Variants in TMEM178B observed in about 807,000 individuals in gnomAD.
TMEM178B encodes transmembrane protein 178B.
TMEM178B carries 5 observed loss-of-function variants against 31.0 expected under a neutral mutation model. That is an observed-to-expected ratio of 0.16 (90% CI 0.08 to 0.34). TMEM178B has a LOEUF of 0.34. Ranked by LOEUF, TMEM178B falls within the 10% of genes least tolerant of loss-of-function variation. TMEM178B has a pLI of 1.00. For synonymous variants in TMEM178B, 164 were observed against 164.0 expected, an observed-to-expected ratio of 1.00 and a Z score of 0.00; for missense variants, 275 against 400.3, an observed-to-expected ratio of 0.69 and a Z score of 2.67.
intron 2 of TMEM178B, among the ~76,000 whole-genome samples, chr7:141,397,447 A>G (rs977117917): frequency 4.6e-5 from 7 of 152,176 alleles, no homozygotes; most frequent in African/African-American, 1.7e-4. Context: ...CCTTACCCAG[A>G]GCCACCAGCC....
chr7:141,292,723 C>T (rs558887802), intron 2 of TMEM178B, among the ~76,000 whole-genome samples: 20 of 149,846 alleles, frequency 1.3e-4, no homozygotes, highest in African/African-American at 3.7e-4. Flanking sequence ...CTGCAACCTC[C>T]GCCTCCCGGG....
At chr7:141,187,777 T>G (rs1323397698) in intron 1 of TMEM178B, among the ~76,000 whole-genome samples, 1 of 152,232 alleles carries the variant, frequency 6.6e-6, no homozygotes, top group Non-Finnish European at 1.5e-5. Context: ...TCGCCCACTT[T>G]TTGATGGGGT....
downstream of TMEM178B, among the ~76,000 whole-genome samples, chr7:141,480,574 T>TG (rs1268609592): frequency 6.6e-6 from 1 of 152,272 alleles, no homozygotes. Context: ...CAAAGGTACA[T>TG]GCTTCGCATG....
chr7:141,208,825 CT>C (rs1436441926), intron 1 of TMEM178B, among the ~76,000 whole-genome samples: 16 of 152,240 alleles, frequency 1.1e-4, no homozygotes, highest in Admixed American at 2.6e-4. Flanking sequence ...AGAATCTGAC[CT>C]GAGCTAAGAA....
intron 2 of TMEM178B, among the ~76,000 whole-genome samples, chr7:141,325,457 C>T (rs1799172973): frequency 1.3e-5 from 2 of 152,170 alleles, no homozygotes; most frequent in African/African-American, 4.8e-5. Context: ...TACTCATTCT[C>T]CCACTGTCCC....
chr7:141,157,540 C>A (rs768048330), intron 1 of TMEM178B, among the ~76,000 whole-genome samples: 1 of 151,696 alleles, frequency 6.6e-6, no homozygotes, highest in Non-Finnish European at 1.5e-5. Context: ...AACAACAACA[C>A]GGAGAGAGGA....
chr7:141,127,309 T>A (rs1480733270), intron 1 of TMEM178B, among the ~76,000 whole-genome samples: 3 of 152,224 alleles, frequency 2.0e-5, no homozygotes, highest in Admixed American at 2.0e-4. Flanking sequence ...GTGGGCTGAA[T>A]GTCTAAAAAG....
intron 1 of TMEM178B, among the ~76,000 whole-genome samples, chr7:141,170,866 G>A (rs118098634): frequency 1.7e-3 from 260 of 152,240 alleles, no homozygotes; most frequent in East Asian, 6.8e-3. Flanking sequence ...CACAAGTCCT[G>A]TGCCTGACCC....
intron 1 of TMEM178B, among the ~76,000 whole-genome samples, chr7:141,137,850 A>C (rs1286033980): frequency 6.6e-6 from 1 of 152,172 alleles, no homozygotes; most frequent in Non-Finnish European, 1.5e-5. Context: ...AAATAGAGAA[A>C]ATACACTGAA....
At chr7:141,113,525 T>TCAGACAGAATGAC (rs1258780377) in intron 1 of TMEM178B, among the ~76,000 whole-genome samples, 2 of 152,220 alleles carry the variant, frequency 1.3e-5, no homozygotes, top group African/African-American at 4.8e-5. Context: ...GAGGATCCTT[T>TCAGACAGAATGAC]CAGACAGAAT....
chr7:141,305,260 A>G (rs192631915), intron 2 of TMEM178B, among the ~76,000 whole-genome samples: 1 of 152,328 alleles, frequency 6.6e-6, no homozygotes, highest in East Asian at 1.9e-4. Context: ...AGCAACAACC[A>G]TAATAAAGGT....
Position 141,437,682 on chromosome 7 carries a change from C to T in TMEM178B, c.571C>T (p.Leu191=). Residue 191 remains leucine, a synonymous_variant, in exon 3 of 4, where the codon CTG becomes TTG. Transcript: ENST00000565468. ...IILFGWIIGV[L]GCCWDRGLMQ... ...CCTCTTTGGCTGGATCATCGGCGTG[C>T]TGGGCTGCTGCTGGGACCGAGGCCT... 2.6e-6 allele frequency: 4 copies of T among 1,536,186 alleles called. No individual in the cohort carries two copies. Among genetic ancestry groups the T allele is most frequent in the Middle Eastern group, 1.7e-4 (1 of 5,990 alleles).
intron 2 of TMEM178B, among the ~76,000 whole-genome samples, chr7:141,293,448 A>G (rs1177172425): frequency 6.6e-6 from 1 of 152,200 alleles, no homozygotes; most frequent in Non-Finnish European, 1.5e-5. Context: ...TCTGGGTAAA[A>G]AGTGACTTTT....
intron 1 of TMEM178B, among the ~76,000 whole-genome samples, chr7:141,093,041 C>T (rs1006274919): frequency 2.0e-5 from 3 of 152,130 alleles, no homozygotes; most frequent in Non-Finnish European, 2.9e-5. Context: ...ATTAAAGATC[C>T]ATGTTACGTA....
chr7:141,185,350 A>G (rs62486655), intron 1 of TMEM178B, among the ~76,000 whole-genome samples: 4,538 of 152,216 alleles, frequency 0.03, 107 homozygotes, highest in Non-Finnish European at 0.047. Flanking sequence ...GCAGGGTTTC[A>G]CTGAGTGGAA....
At chr7:141,412,386 G>T (rs1029526652) in intron 2 of TMEM178B, among the ~76,000 whole-genome samples, 6 of 152,160 alleles carry the variant, frequency 3.9e-5, no homozygotes, top group African/African-American at 1.4e-4. Flanking sequence ...GATATAAATT[G>T]TTCAAGAGCC....
intron 2 of TMEM178B, among the ~76,000 whole-genome samples, chr7:141,301,379 G>C (rs1156784150): frequency 6.6e-6 from 1 of 152,098 alleles, no homozygotes; most frequent in African/African-American, 2.4e-5. Flanking sequence ...TTCTTAATTT[G>C]AATAGGGACT....
intron 2 of TMEM178B, among the ~76,000 whole-genome samples, chr7:141,290,616 C>T (rs1329887529): frequency 6.6e-6 from 1 of 152,168 alleles, no homozygotes; most frequent in Non-Finnish European, 1.5e-5. Flanking sequence ...CACGCGCGTG[C>T]TTTAAATAAT....
At chr7:141,337,486 A>T (rs1383229288) in intron 2 of TMEM178B, among the ~76,000 whole-genome samples, 2 of 152,036 alleles carry the variant, frequency 1.3e-5, no homozygotes, top group African/African-American at 4.8e-5. Flanking sequence ...TGTCAAAAAA[A>T]CTCTATGATA....
Sources: gnomAD v4.1 joint callset for allele counts (sites outside exome capture counted in the v4.1 genomes callset) on GRCh38, gnomAD v4.1.1 for gene constraint, MANE v1.5 for transcripts, NCBI Gene and HGNC (gene_info 2026-07-23, HGNC 2026-07-21) for gene names.